The following PPP1R12B variants were observed in gnomAD, a reference collection of about 807,000 sequenced individuals.
PPP1R12B encodes protein phosphatase 1 regulatory subunit 12B.
A neutral mutation model predicts 126.1 loss-of-function variants in PPP1R12B; 76 were observed. The observed-to-expected ratio is 0.60, with a 90% CI of 0.50 to 0.73. The LOEUF (loss-of-function observed/expected upper bound fraction) is 0.73, where lower values mean the gene tolerates loss of function less well. PPP1R12B is among the 30% of genes least tolerant of loss of function. The pLI is 0.00. For synonymous variants in PPP1R12B, 356 were observed against 434.7 expected, an observed-to-expected ratio of 0.82 and a Z score of 2.25; for missense variants, 1,052 against 1,205.1, an observed-to-expected ratio of 0.87 and a Z score of 1.88.
At chr1:202,568,778 A>T (rs1688311657) in intron 22 of PPP1R12B, among the ~76,000 whole-genome samples, 1 of 152,214 alleles carries the variant, frequency 6.6e-6, no homozygotes, top group South Asian at 2.1e-4. Flanking sequence ...ATTACTGAAG[A>T]TAATGATGCC....
chr1:202,551,169 A>T (rs1202836443), intron 18 of PPP1R12B, among the ~76,000 whole-genome samples: 2 of 152,224 alleles, frequency 1.3e-5, no homozygotes, highest in East Asian at 3.8e-4. Flanking sequence ...GGGTAGTCAC[A>T]ATCTGGCATA....
chr1:202,381,066 A>G (rs1269408576), intron 1 of PPP1R12B, among the ~76,000 whole-genome samples: 1 of 152,206 alleles, frequency 6.6e-6, no homozygotes, highest in African/African-American at 2.4e-5. Context: ...ATTTTTATAC[A>G]TATACATTTC....
At chr1:202,492,463 A>T (rs1679004458) in intron 14 of PPP1R12B, among the ~76,000 whole-genome samples, 1 of 152,196 alleles carries the variant, frequency 6.6e-6, no homozygotes, top group Non-Finnish European at 1.5e-5. Context: ...GAATCAGCTC[A>T]TGCTCTTTCT....
intron 2 of PPP1R12B, among the ~76,000 whole-genome samples, chr1:202,422,319 A>G (rs1249702591): frequency 6.6e-6 from 1 of 152,232 alleles, no homozygotes; most frequent in Non-Finnish European, 1.5e-5. Context: ...TTAAGGCTGC[A>G]TGCCTTCTTT....
At chr1:202,387,116 GT>G (rs1663278566) in intron 1 of PPP1R12B, among the ~76,000 whole-genome samples, 1 of 152,202 alleles carries the variant, frequency 6.6e-6, no homozygotes, top group Admixed American at 6.5e-5. Context: ...TTCCAATGCT[GT>G]TAAGCTGGAA....
chr1:202,455,199 TATATATAGAG>T (rs1673463143), intron 13 of PPP1R12B, among the ~76,000 whole-genome samples: 3 of 122,618 alleles, frequency 2.4e-5, no homozygotes, highest in South Asian at 7.2e-4. Context: ...TATACATATA[TATATATAGAG>T]AGAGAGAGAG....
At chr1:202,377,966 G>A (rs1488249822) in intron 1 of PPP1R12B, among the ~76,000 whole-genome samples, 7 of 148,488 alleles carry the variant, frequency 4.7e-5, no homozygotes, top group African/African-American at 1.5e-4. Context: ...AGCCTCCCGA[G>A]TAGCTGGGAC....
rs1572094281 is a variant in PPP1R12B, at chr1:202,452,152, G to A, written c.1850+2981G>A. 3.9e-5 allele frequency among the ~76,000 whole-genome samples: 6 copies of A among 152,274 alleles called. No homozygotes were observed. In the South Asian group the frequency reaches 1.2e-3, roughly 32 times the overall value. On this transcript the variant is annotated intron_variant, in intron 13 of 23. Transcript: ENST00000608999. ...TCCTCACTTTCCAGACGGGGTGGCG[G>A]CCGGGCAGAGGCTGCAATCTCGGCA... is the stretch of plus-strand genomic sequence containing the variant.
chr1:202,516,066 A>C (rs1359822209), intron 18 of PPP1R12B, among the ~76,000 whole-genome samples: 1 of 152,228 alleles, frequency 6.6e-6, no homozygotes, highest in African/African-American at 2.4e-5. Context: ...TAACTTTAAA[A>C]TAAGAGAAAT....
chr1:202,488,595 A>G lies in PPP1R12B; in HGVS notation c.1913A>G (p.Gln638Arg). 6.2e-7 allele frequency: 1 copy of G among 1,612,460 alleles called. No homozygotes were observed. Among genetic ancestry groups the G allele is most frequent in the Non-Finnish European group, 8.5e-7 (1 of 1,179,092 alleles). Residue 638 changes from glutamine (Q) to arginine (R), a missense_variant, in exon 14 of 24, where the codon CAA (glutamine) becomes CGA (arginine). Gln to Arg is a conservative substitution (Grantham distance 43). Transcript: ENST00000608999. ...AESLRKARSR[Q>R]ARQTRRSTQG... ...TCTTTACGGAAAGCACGCTCCAGAC[A>G]AGCTCGGCAGACACGAAGGTCTACT... is the stretch of plus-strand genomic sequence containing the variant.
chr1:202,575,750 G>A (rs1689034533), intron 23 of PPP1R12B: 1 of 152,176 alleles, frequency 6.6e-6, no homozygotes, highest in African/African-American at 2.4e-5. Context: ...AGTGGTCTGG[G>A]TTGAGACCCA....
At chr1:202,503,843 C>G (rs1275926473) in intron 18 of PPP1R12B, among the ~76,000 whole-genome samples, 1 of 151,502 alleles carries the variant, frequency 6.6e-6, no homozygotes, top group Non-Finnish European at 1.5e-5. Flanking sequence ...ATAAATGGAC[C>G]ATGCAATGGT....
At chr1:202,547,000 G>A (rs1372685316) in intron 18 of PPP1R12B, among the ~76,000 whole-genome samples, 5 of 151,588 alleles carry the variant, frequency 3.3e-5, no homozygotes, top group African/African-American at 1.2e-4. Context: ...CAAAGGTATT[G>A]TGGTCAAACT....
intron 1 of PPP1R12B, 142 bp downstream of exon 1, chr1:202,349,284 C>T: frequency 1.0e-6 from 1 of 981,608 alleles, no homozygotes; most frequent in Non-Finnish European, 1.5e-6. Flanking sequence ...CGGTTTCATT[C>T]TTGGCCAGCT....
chr1:202,440,368 A>G (rs902853751), intron 10 of PPP1R12B, among the ~76,000 whole-genome samples: 4 of 152,196 alleles, frequency 2.6e-5, no homozygotes, highest in Non-Finnish European at 4.4e-5. Context: ...TTATTTCATC[A>G]AGAATATTAG....
rs771739035 is a variant in PPP1R12B at position 202,411,270 on chromosome 1, C to CAA, written c.292-5500_292-5499dup. On this transcript the variant is annotated intron_variant, in intron 1 of 23. Transcript: ENST00000608999. ...TTAGTCATATTCCTTCTTCTGGAGGCAAAAAAAAAAAAAAAAAAGCAAGAA... is the reference window on the plus strand; with the variant it reads ...TTAGTCATATTCCTTCTTCTGGAGGCAAAAAAAAAAAAAAAAAAAAGCAAGAA... Among the ~76,000 whole-genome samples the CAA allele has an allele frequency of 1.6e-3, 95 of 59,502 alleles. 1 individual carries two copies. The highest frequency in any genetic ancestry group is 5.0e-3 in the African/African-American group (85 of 16,876). The allele number at this position is 59,502 out of a possible 152,430, so 39.0% of individuals were successfully genotyped here.
intron 19 of PPP1R12B, chr1:202,562,499 T>G: frequency 2.1e-6 from 1 of 479,536 alleles, no homozygotes; most frequent in South Asian, 1.8e-5. Context: ...TATGAAAAGC[T>G]CTTAAGATTT....
chr1:202,438,828 G>C, intron 10 of PPP1R12B: 2 of 922,624 alleles, frequency 2.2e-6, no homozygotes, highest in South Asian at 2.6e-5. Flanking sequence ...CACGGACGTG[G>C]GGGAGACGGC....
chr1:202,377,833 T>TTG (rs1553268025), intron 1 of PPP1R12B, among the ~76,000 whole-genome samples: 10 of 7,954 alleles, frequency 1.3e-3, no homozygotes, highest in African/African-American at 2.6e-3. Flanking sequence ...AAGACAGGTG[T>TTG]TTTTTTTTTT....
Sources: gnomAD v4.1 joint callset for allele counts (sites outside exome capture counted in the v4.1 genomes callset) on GRCh38, gnomAD v4.1.1 for gene constraint, MANE v1.5 for transcripts, NCBI Gene and HGNC (gene_info 2026-07-23, HGNC 2026-07-21) for gene names.